Variants in MTRES1 observed in about 807,000 individuals in gnomAD.
The protein encoded by MTRES1 is mitochondrial transcription rescue factor 1.
In MTRES1, 11 loss-of-function variants were observed where a neutral mutation model predicts 17.4. The ratio of observed to expected loss-of-function variants is 0.63; its 90% confidence interval spans 0.40 to 1.05. MTRES1 has a LOEUF of 1.05. Among genes scored for constraint, MTRES1 ranks in the 50% least tolerant of loss-of-function variants. MTRES1 has a pLI of 0.00. For missense variants in MTRES1, 268 were observed against 276.2 expected, an observed-to-expected ratio of 0.97 and a Z score of 0.21; for synonymous variants, 94 against 99.6, an observed-to-expected ratio of 0.94 and a Z score of 0.34.
intron 2 of MTRES1, chr6:107,040,491 C>T: frequency 3.7e-6 from 1 of 270,808 alleles, no homozygotes; most frequent in Non-Finnish European, 6.9e-6. Context: ...TTAAAAACAG[C>T]TTCTTGAGGA....
At position 107,044,299 on chromosome 6, in the gene MTRES1, G is replaced by A. The variant is rs1774319202; in HGVS notation, c.510G>A (p.Leu170=). 26 of 1,613,930 alleles carry A rather than the reference G, an allele frequency of 1.6e-5. No individual in the cohort carries two copies. The highest frequency in any genetic ancestry group is 2.2e-5 in the Non-Finnish European group (26 of 1,179,880). ...CTTTCTACAAAGGTGAACTCAGGCTGAATGAGGAAAAATTATGGAAGAAAA... is the reference window on the plus strand; with the variant it reads ...CTTTCTACAAAGGTGAACTCAGGCTAAATGAGGAAAAATTATGGAAGAAAA... The part of the protein sequence containing the change: ...EDAFYKGELR[L]NEEKLWKKSR... The change falls in exon 3 of 4, where the codon CTG becomes CTA. Residue 170 remains leucine (L), a synonymous_variant. Coordinates refer to ENST00000311381, the MANE Select transcript of MTRES1 (RefSeq NM_016487.5).
chr6:107,051,159 A>ACT lies in MTRES1; in HGVS notation c.647_648dup (p.Glu217LeufsTer16), dbSNP rs782308531. 8 of 1,614,036 alleles carry ACT rather than the reference A, an allele frequency of 5.0e-6. No individual in the cohort carries two copies. Among genetic ancestry groups the ACT allele is most frequent in the Non-Finnish European group, 6.8e-6 (8 of 1,180,000 alleles). ...CTTGAAAAAAGTGTTTGAAGAGAAG[A>ACT]CTGAAAGTGAAAAATACAGAGTGGT... On this transcript the variant is annotated frameshift_variant, in exon 4 of 4. Transcript: ENST00000311381. LOFTEE classifies it high-confidence loss of function.
intron 1 of MTRES1, among the ~76,000 whole-genome samples, chr6:107,031,725 T>C (rs148686453): frequency 0.012 from 1,755 of 152,144 alleles, 31 homozygotes; most frequent in African/African-American, 0.04. Flanking sequence ...CTCATCCTAC[T>C]GAGTAGCTGG....
chr6:107,032,170 G>A (rs1186113755), intron 1 of MTRES1, among the ~76,000 whole-genome samples: 1 of 152,122 alleles, frequency 6.6e-6, no homozygotes, highest in Non-Finnish European at 1.5e-5. Flanking sequence ...GAGGCAAGAG[G>A]TTTGTGTAAT....
In MTRES1 at chr6:107,040,243, C is replaced by T. The variant is rs782686956; in HGVS notation, c.470+13C>T. 24 of 1,566,382 alleles carry T rather than the reference C, an allele frequency of 1.5e-5. No homozygotes were observed. The highest frequency in any genetic ancestry group is 7.3e-5 in the South Asian group (6 of 82,470). ...ATATTGGGAGAAAGTGAGTATGATA[C>T]GCATTTCATTATAAACTCGCTCGTA... On this transcript the variant is annotated intron_variant, in intron 2 of 3. Transcript: ENST00000311381.
intron 1 of MTRES1, among the ~76,000 whole-genome samples, chr6:107,034,256 G>C (rs1773934446): frequency 6.6e-6 from 1 of 152,122 alleles, no homozygotes; most frequent in African/African-American, 2.4e-5. Flanking sequence ...GTGTAAAAAA[G>C]ATACTGAAAA....
At chr6:107,034,254 A>G (rs539476460) in intron 1 of MTRES1, among the ~76,000 whole-genome samples, 1 of 152,312 alleles carries the variant, frequency 6.6e-6, no homozygotes, top group South Asian at 2.1e-4. Flanking sequence ...GAGTGTAAAA[A>G]AGATACTGAA....
chr6:107,044,210 T>G (rs1179660185), intron 2 of MTRES1, 50 bp from the exon 3 acceptor site: 14 of 1,339,952 alleles, frequency 1.0e-5, no homozygotes, highest in Non-Finnish European at 1.5e-5. Flanking sequence ...TGGGCTTGAG[T>G]GTACCCATCA....
chr6:107,035,438 T>C (rs1455925309), intron 1 of MTRES1, among the ~76,000 whole-genome samples: 1 of 151,754 alleles, frequency 6.6e-6, no homozygotes, highest in Non-Finnish European at 1.5e-5. Flanking sequence ...CTTTGAATAA[T>C]GACTCTAGGA....
intron 1 of MTRES1, 38 bp from the exon 2 acceptor site, chr6:107,039,711 G>C (rs1330743546): frequency 6.4e-7 from 1 of 1,555,432 alleles, no homozygotes; most frequent in East Asian, 2.2e-5. Context: ...TCATGACACT[G>C]CACTTGTGAG....
Position 107,039,764 on chromosome 6 carries a change from G to C in MTRES1, c.4G>C (p.Ala2Pro). 1.9e-6 allele frequency: 3 copies of C among 1,600,452 alleles called. No individual in the cohort carries two copies. The highest frequency in any genetic ancestry group is 2.6e-6 in the Non-Finnish European group (3 of 1,176,434). Residue 2 changes from alanine to proline, a missense_variant, in exon 2 of 4, where the codon GCT becomes CCT. Ala to Pro is a conservative substitution (Grantham distance 27, BLOSUM62 -1). Transcript: ENST00000311381. Reference protein sequence around the residue: MAMASVKLLAGV... With the variant: MPMASVKLLAGV... ...TCTGTTTCAGATTATAAGCGCCATG[G>C]CTATGGCTAGTGTTAAATTGCTTGC...
At chr6:107,028,675 A>G (rs1313350123) in intron 1 of MTRES1, 2 of 152,760 alleles carry the variant, frequency 1.3e-5, no homozygotes, top group African/African-American at 2.4e-5. Flanking sequence ...CAAAGCGTTT[A>G]GACCAGTTTC....
At chr6:107,029,422 C>T (rs1773754625) in intron 1 of MTRES1, among the ~76,000 whole-genome samples, 1 of 152,038 alleles carries the variant, frequency 6.6e-6, no homozygotes, top group Non-Finnish European at 1.5e-5. Flanking sequence ...TTCCTGACTT[C>T]CTGATCCGCA....
chr6:107,039,726 A>T (rs782335340), intron 1 of MTRES1, 23 bp from the exon 2 acceptor site: 1 of 1,567,624 alleles, frequency 6.4e-7, no homozygotes, highest in South Asian at 1.2e-5. Context: ...TGTGAGATAA[A>T]ACTGATTTAT....
intron 1 of MTRES1, among the ~76,000 whole-genome samples, chr6:107,035,502 A>G (rs4945766): frequency 0.072 from 10,883 of 152,138 alleles, 740 homozygotes; most frequent in East Asian, 0.35. Flanking sequence ...CTGGCCACCT[A>G]TGGCTAAACC....
chr6:107,030,192 A>G, intron 1 of MTRES1: 1 of 718,176 alleles, frequency 1.4e-6, no homozygotes, highest in Non-Finnish European at 2.6e-6. Context: ...TTGGAGAGGA[A>G]ATGGGGGTTG....
In MTRES1 at chr6:107,051,218, G is replaced by A. The variant is rs782521747; in HGVS notation, c.705G>A (p.Lys235=). The A allele has an allele frequency of 1.9e-6, 3 of 1,613,532 alleles. No individual in the cohort carries two copies. Among genetic ancestry groups the A allele is most frequent in the African/African-American group, 1.3e-5 (1 of 75,028 alleles). ...LRRWKSLKLP[K]KRMSK is the part of the protein sequence containing the mutation. ...GGTGGAAAAGTTTAAAGTTGCCTAA[G>A]AAGAGAATGTCTAAATAAATGGATT... The change falls in exon 4 of 4, where the codon AAG becomes AAA. Residue 235 remains lysine, a synonymous_variant. Transcript: ENST00000311381.
intron 3 of MTRES1, among the ~76,000 whole-genome samples, chr6:107,049,075 G>T (rs1305038715): frequency 1.3e-5 from 2 of 152,120 alleles, no homozygotes; most frequent in African/African-American, 4.8e-5. Context: ...CTGACTGTTG[G>T]GCCTGCAGAG....
At chr6:107,038,351 C>G (rs1339331178) in intron 1 of MTRES1, among the ~76,000 whole-genome samples, 7 of 152,124 alleles carry the variant, frequency 4.6e-5, no homozygotes, top group Non-Finnish European at 8.8e-5. Flanking sequence ...AAATCATGGT[C>G]TCTAAAACCT....
Sources: gnomAD v4.1 joint callset for allele counts (sites outside exome capture counted in the v4.1 genomes callset) on GRCh38, gnomAD v4.1.1 for gene constraint, MANE v1.5 for transcripts, NCBI Gene and HGNC (gene_info 2026-07-23, HGNC 2026-07-21) for gene names.